Variants in UCP2 observed in about 807,000 individuals in gnomAD.
The protein encoded by UCP2 is uncoupling protein 2.
Under a neutral mutation model 31.3 loss-of-function variants are expected in UCP2, and 27 were observed. That is an observed-to-expected ratio of 0.86 (90% CI 0.64 to 1.19). The LOEUF is 1.19. UCP2 is among the 50% of genes most tolerant of loss of function. The pLI, the probability that UCP2 is intolerant of heterozygous loss-of-function variation, is 0.00. For synonymous variants in UCP2, 142 were observed against 157.4 expected, an observed-to-expected ratio of 0.90 and a Z score of 0.73; for missense variants, 377 against 413.5, an observed-to-expected ratio of 0.91 and a Z score of 0.76.
In UCP2 at chr11:73,978,264, CT is replaced by C; in HGVS notation, c.114del (p.Val39SerfsTer24). On this transcript the variant is annotated frameshift_variant, in exon 3 of 8. Coordinates refer to ENST00000663595, the MANE Select transcript of UCP2 (RefSeq NM_003355.3). LOFTEE classifies it high-confidence loss of function. Reference protein sequence around the residue: ...DLITFPLDTAKVRLQIQGESQ... With the variant: ...DLITFPLDTAXVRLQIQGESQ... ...CTTCATCCCCTCACCTGTAACCGGACTTTAGCAGTATCCAGAGGAAAGGTGA... is the reference window on the plus strand; with the variant it reads ...CTTCATCCCCTCACCTGTAACCGGACTTAGCAGTATCCAGAGGAAAGGTGA... 1 of 1,614,182 alleles carries C rather than the reference CT, an allele frequency of 6.2e-7. No individual in the cohort carries two copies. Among genetic ancestry groups the C allele is most frequent in the East Asian group, 2.2e-5 (1 of 44,878 alleles).
chr11:73,978,031 G>A lies in UCP2; in HGVS notation c.192C>T (p.Gly64=), dbSNP rs769191505. The change falls in exon 4 of 8, where the codon GGC becomes GGT. Residue 64 remains glycine (G), a synonymous_variant. Transcript: ENST00000663595. Reference sequence around the variant, plus strand: ...CAGTACGCACCATGGTCAGAATGGTGCCCATCACACCGCGGTACTGGGCGC... The same window carrying A: ...CAGTACGCACCATGGTCAGAATGGTACCCATCACACCGCGGTACTGGGCGC... ...TASAQYRGVM[G]TILTMVRTEG... The A allele has an allele frequency of 3.2e-5, 52 of 1,614,060 alleles. 1 individual carries two copies. In the South Asian group the frequency reaches 4.8e-4, roughly 15 times the overall value.
In UCP2 at chr11:73,976,675, G is replaced by A. The variant is rs748273679; in HGVS notation, c.600C>T (p.Ile200=). 7.4e-6 allele frequency: 12 copies of A among 1,614,152 alleles called. No individual in the cohort carries two copies. Among genetic ancestry groups the A allele is most frequent in the Admixed American group, 1.7e-5 (1 of 60,024 alleles). Residue 200 remains isoleucine (I), a synonymous_variant, in exon 6 of 8, where the codon ATC becomes ATT. Transcript: ENST00000663595. ...GGTTGGCTTTCAGGAGGGCATCCTT[G>A]ATGAGGTCATAGGTCACCAGCTCAG... ...NCAELVTYDL[I]KDALLKANLM...
In UCP2 at chr11:73,978,322, C is replaced by A; in HGVS notation, c.57G>T (p.Gly19=). The A allele has an allele frequency of 3.1e-6, 5 of 1,614,152 alleles. No individual in the cohort carries two copies. The highest frequency in any genetic ancestry group is 4.2e-6 in the Non-Finnish European group (5 of 1,180,018). Residue 19 remains glycine, a synonymous_variant, in exon 3 of 8, where the codon GGG becomes GGT. Transcript: ENST00000663595. ...VPPTATVKFL[G]AGTAACIADL... Reference sequence around the variant, plus strand: ...CTGCGATGCAGGCAGCTGTGCCAGCCCCAAGAAACTTCACAGTGGCAGTAG... The same window carrying A: ...CTGCGATGCAGGCAGCTGTGCCAGCACCAAGAAACTTCACAGTGGCAGTAG...
chr11:73,976,851 T>G lies in UCP2; in HGVS notation c.504A>C (p.Arg168=). Residue 168 remains arginine, a synonymous_variant, in exon 5 of 8, where the codon CGA becomes CGC. Transcript: ENST00000663595. ...STVNAYKTIA[R]EEGFRGLWKG... ...TCCAGAGGCCCCGGAACCCTTCCTC[T>G]CGGGCAATGGTCTTGTAGGCATTGA... 1 of 1,614,232 alleles carries G rather than the reference T, an allele frequency of 6.2e-7. No individual in the cohort carries two copies. The highest frequency in any genetic ancestry group is 8.5e-7 in the Non-Finnish European group (1 of 1,180,050).
At chr11:73,981,197 C>T (rs550652227) in intron 2 of UCP2, 62 of 152,348 alleles carry the variant, frequency 4.1e-4, no homozygotes, top group African/African-American at 1.2e-3. Context: ...CCTAGCTCTT[C>T]TGCTGGCTCC....
rs765681329 is a variant in UCP2, at chr11:73,977,959, G to A, written c.264C>T (p.Arg88=). ...LYNGLVAGLQ[R]QMSFASVRIG... ...TGCGGACAGAGGCAAAGCTCATTTG[G>A]CGCTGCAGGCCGGCAACCAGCCCAT... The change falls in exon 4 of 8, where the codon CGC becomes CGT. Residue 88 remains arginine, a synonymous_variant. Coordinates refer to ENST00000663595, the MANE Select transcript of UCP2 (RefSeq NM_003355.3). 58 of 1,614,100 alleles carry A rather than the reference G, an allele frequency of 3.6e-5. No homozygotes were observed. Among genetic ancestry groups the A allele is most frequent in the Admixed American group, 1.2e-4 (7 of 60,008 alleles).
chr11:73,978,264 C>G lies in UCP2; in HGVS notation c.115G>C (p.Val39Leu), dbSNP rs148253207. 1 of 1,614,182 alleles carries G rather than the reference C, an allele frequency of 6.2e-7. No homozygotes were observed. The highest frequency in any genetic ancestry group is 1.1e-5 in the South Asian group (1 of 91,082). Residue 39 changes from valine to leucine, a missense_variant, in exon 3 of 8, where the codon GTC (valine) becomes CTC (leucine). Coordinates refer to ENST00000663595, the MANE Select transcript of UCP2 (RefSeq NM_003355.3). ...LITFPLDTAK[V>L]RLQIQGESQG... Reference sequence around the variant, plus strand: ...CTTCATCCCCTCACCTGTAACCGGACTTTAGCAGTATCCAGAGGAAAGGTG... The same window carrying G: ...CTTCATCCCCTCACCTGTAACCGGAGTTTAGCAGTATCCAGAGGAAAGGTG...
At chr11:73,981,321 G>A (rs1033107881) in intron 2 of UCP2, 155 bp downstream of exon 2, 1 of 152,196 alleles carries the variant, frequency 6.6e-6, no homozygotes, top group African/African-American at 2.4e-5. Flanking sequence ...GAATGAGAGC[G>A]GGGAGGTGTG....
rs1241947580 is a variant in UCP2 at position 73,978,342 on chromosome 11, C to T, written c.37G>A (p.Ala13Thr). 6.2e-7 allele frequency: 1 copy of T among 1,614,056 alleles called. No individual in the cohort carries two copies. The highest frequency in any genetic ancestry group is 8.5e-7 in the Non-Finnish European group (1 of 1,180,030). ...CCAGCCCCAAGAAACTTCACAGTGG[C>T]AGTAGGGGGCACATCTGTGGCCTTG... ...GFKATDVPPT[A>T]TVKFLGAGTA... The change falls in exon 3 of 8, where the codon GCC (alanine) becomes ACC (threonine). Residue 13 changes from alanine (A) to threonine (T), a missense_variant. Physicochemically the swap from Ala to Thr is moderately conservative, Grantham distance 58. Coordinates refer to ENST00000663595, the MANE Select transcript of UCP2 (RefSeq NM_003355.3).
intron 4 of UCP2, 119 bp downstream of exon 4, chr11:73,977,767 T>C: frequency 7.3e-7 from 1 of 1,372,272 alleles, no homozygotes; most frequent in Non-Finnish European, 1.0e-6. Flanking sequence ...TCCAGTTCTC[T>C]GTTCCCCTGA....
In UCP2 at chr11:73,977,936, C is replaced by A. The variant is rs576685655; in HGVS notation, c.287G>T (p.Arg96Leu). ...LQRQMSFASV[R>L]IGLYDSVKQF... is the part of the protein sequence containing the mutation. ...TTTGACAGAATCATACAGGCCGATG[C>A]GGACAGAGGCAAAGCTCATTTGGCG... Residue 96 changes from arginine to leucine, a missense_variant, in exon 4 of 8, where the codon CGC becomes CTC. By Grantham distance (102) the Arg-to-Leu change is moderately radical. Coordinates refer to ENST00000663595, the MANE Select transcript of UCP2 (RefSeq NM_003355.3). 1.9e-6 allele frequency: 3 copies of A among 1,614,222 alleles called. No individual in the cohort carries two copies. Among genetic ancestry groups the A allele is most frequent in the Admixed American group, 1.7e-5 (1 of 60,026 alleles).
Position 73,976,641 on chromosome 11 carries a change from C to T in UCP2, c.634G>A (p.Asp212Asn). The change falls in exon 6 of 8, where the codon GAT (aspartate) becomes AAT (asparagine). Residue 212 changes from aspartate to asparagine, a missense_variant and splice_region_variant. Transcript: ENST00000663595. ...DALLKANLMT[D>N]DLPCHFTSAF... The stretch of plus-strand genomic sequence containing the variant: ...CAGCACCGTCTACCTCATGACTCAC[C>T]TGTCATGAGGTTGGCTTTCAGGAGG... 3 of 1,611,278 alleles carry T rather than the reference C, an allele frequency of 1.9e-6. No homozygotes were observed. The highest frequency in any genetic ancestry group is 2.5e-6 in the Non-Finnish European group (3 of 1,177,496).
intron 2 of UCP2, chr11:73,980,890 T>C (rs1951442008): frequency 6.6e-6 from 1 of 152,026 alleles, no homozygotes; most frequent in Non-Finnish European, 1.5e-5. Context: ...TTGAGCTGGG[T>C]TGCAGGATGT....
intron 6 of UCP2, 107 bp downstream of exon 6, chr11:73,976,534 G>T: frequency 1.1e-6 from 1 of 920,804 alleles, no homozygotes; most frequent in Non-Finnish European, 1.7e-6. Context: ...CCCTGCAAAG[G>T]GCAAATAGGA....
intron 4 of UCP2, 43 bp downstream of exon 4, chr11:73,977,843 A>G (rs775126655): frequency 2.0e-5 from 32 of 1,612,380 alleles, no homozygotes; most frequent in African/African-American, 4.0e-5. Flanking sequence ...ATCATCACTG[A>G]GAAAAAAGGG....
In UCP2 at chr11:73,978,251, A is replaced by G; in HGVS notation, c.126+2T>C. On this transcript the variant is annotated splice_donor_variant, in intron 3 of 7. Coordinates refer to ENST00000663595, the MANE Select transcript of UCP2 (RefSeq NM_003355.3). LOFTEE classifies it high-confidence loss of function. ...CAAGACTCCCAGGCTTCATCCCCTC[A>G]CCTGTAACCGGACTTTAGCAGTATC... The G allele has an allele frequency of 6.2e-7, 1 of 1,614,112 alleles. No individual in the cohort carries two copies. Among genetic ancestry groups the G allele is most frequent in the Non-Finnish European group, 8.5e-7 (1 of 1,180,012 alleles).
At position 73,976,968 on chromosome 11, in the gene UCP2, C is replaced by T; in HGVS notation, c.387G>A (p.Leu129=). 1 of 1,607,900 alleles carries T rather than the reference C, an allele frequency of 6.2e-7. No individual in the cohort carries two copies. Among genetic ancestry groups the T allele is most frequent in the Non-Finnish European group, 8.5e-7 (1 of 1,175,482 alleles). Residue 129 remains leucine (L), a synonymous_variant, in exon 5 of 8, where the codon CTG becomes CTA. Coordinates refer to ENST00000663595, the MANE Select transcript of UCP2 (RefSeq NM_003355.3). ...RLLAGSTTGA[L]AVAVAQPTDV... is the part of the protein sequence containing the mutation. ...CCGTGGGCTGGGCCACAGCCACAGC[C>T]AGGGCACCTGTGGTGCTGCCTGCTA...
rs1951351387 is a variant in UCP2 at position 73,976,705 on chromosome 11, GT to G, written c.569del (p.Asn190ThrfsTer6). 6.2e-7 allele frequency: 1 copy of G among 1,614,084 alleles called. No homozygotes were observed. The highest frequency in any genetic ancestry group is 1.3e-5 in the African/African-American group (1 of 74,922). ...GGTCATAGGTCACCAGCTCAGCACAGTTGACAATGGCATTACGAGCAACATT... is the reference window on the plus strand; with the variant it reads ...GGTCATAGGTCACCAGCTCAGCACAGTGACAATGGCATTACGAGCAACATT... ...SPNVARNAIV[N>X]CAELVTYDLI... On this transcript the variant is annotated frameshift_variant, in exon 6 of 8. Coordinates refer to ENST00000663595, the MANE Select transcript of UCP2 (RefSeq NM_003355.3). LOFTEE classifies it high-confidence loss of function.
intron 2 of UCP2, among the ~76,000 whole-genome samples, chr11:73,979,568 A>AAACAAAC (rs1473347887): frequency 1.3e-5 from 2 of 150,452 alleles, no homozygotes; most frequent in Admixed American, 6.6e-5. Flanking sequence ...AACAAACAAA[A>AAACAAAC]AAAAACCTAG....
Sources: gnomAD v4.1 joint callset for allele counts (sites outside exome capture counted in the v4.1 genomes callset) on GRCh38, gnomAD v4.1.1 for gene constraint, MANE v1.5 for transcripts, NCBI Gene and HGNC (gene_info 2026-07-23, HGNC 2026-07-21) for gene names.